Variants in RBFOX1 observed in about 807,000 individuals in gnomAD.
RBFOX1 encodes the protein RNA binding fox-1 homolog 1, also known as RNA binding protein fox-1 homolog 1.
RBFOX1 carries 8 observed loss-of-function variants against 57.7 expected under a neutral mutation model. The ratio of observed to expected loss-of-function variants is 0.14; its 90% CI spans 0.08 to 0.25. The LOEUF (loss-of-function observed/expected upper bound fraction) is 0.25, where lower values mean the gene tolerates loss of function less well. Among genes scored for constraint, RBFOX1 ranks in the 10% least tolerant of loss-of-function variants. The pLI is 1.00. For missense variants in RBFOX1, 611 were observed against 548.5 expected (o/e 1.11, Z -1.14); for synonymous variants, 326 against 222.4 (o/e 1.47, Z -4.15).
chr16:5,352,447 G>T (rs2065282951), intron 1 of RBFOX1, among the ~76,000 whole-genome samples: 1 of 152,150 alleles, frequency 6.6e-6, no homozygotes, highest in Non-Finnish European at 1.5e-5. Flanking sequence ...TTCACCGGTT[G>T]TCAAACATTT....
intron 2 of RBFOX1, among the ~76,000 whole-genome samples, chr16:6,486,950 T>A (rs1043737686): frequency 3.3e-5 from 5 of 152,108 alleles, no homozygotes; most frequent in Non-Finnish European, 7.4e-5. Flanking sequence ...AACCCCCTCT[T>A]CTTGCACGGC....
rs114820302 is a variant in RBFOX1, at chr16:7,224,260, G to A, written c.27+172162G>A. On this transcript the variant is annotated intron_variant, in intron 4 of 15. Coordinates refer to ENST00000550418, the MANE Select transcript of RBFOX1 (RefSeq NM_018723.4). ...TATAAAATGGCTTCTTTTAGTCATC[G>A]TACAAGCCAGCAGTTATGGACAGTG... Among the ~76,000 whole-genome samples the A allele has an allele frequency of 9.3e-3, 1,399 of 150,008 alleles. 7 individuals carry two copies. Among genetic ancestry groups the A allele is most frequent in the African/African-American group, 0.018 (727 of 40,854 alleles).
intron 1 of RBFOX1, among the ~76,000 whole-genome samples, chr16:6,106,846 G>A (rs1000771172): frequency 7.9e-5 from 12 of 151,690 alleles, no homozygotes; most frequent in Admixed American, 6.6e-4. Flanking sequence ...TTTTTTTTCG[G>A]ATTTCTAGTA....
chr16:6,120,919 A>C (rs2152632882), intron 1 of RBFOX1, among the ~76,000 whole-genome samples: 1 of 152,300 alleles, frequency 6.6e-6, no homozygotes, highest in Admixed American at 6.5e-5. Context: ...GAGGAGAACG[A>C]AGTCTGGGGC....
chr16:7,670,187 A>T (rs770345205), intron 13 of RBFOX1, among the ~76,000 whole-genome samples: 3 of 152,164 alleles, frequency 2.0e-5, no homozygotes, highest in Middle Eastern at 6.8e-3. Flanking sequence ...ATGCACCACG[A>T]CGCCTGGCTA....
rs114460093 is a variant in RBFOX1, at chr16:6,632,822, A to G, written c.-63-21781A>G. Among the ~76,000 whole-genome samples the G allele has an allele frequency of 6.8e-3, 1,036 of 152,288 alleles. 21 individuals carry two copies. The highest frequency in any genetic ancestry group is 0.023 in the African/African-American group (958 of 41,566). ...GGCTCTTCTTTTCATTATATTTGCT[A>G]TTACTGGAGCTGCTCTCTTTTCTTA... On this transcript the variant is annotated intron_variant, in intron 2 of 15. Transcript: ENST00000550418.
At chr16:6,942,921 G>A (rs543813300) in intron 3 of RBFOX1, among the ~76,000 whole-genome samples, 8 of 152,310 alleles carry the variant, frequency 5.3e-5, no homozygotes, top group African/African-American at 1.4e-4. Flanking sequence ...GGTACCGACA[G>A]GGCTCGCATT....
At chr16:7,029,234 ACGTATACG>A (rs2042122859) in intron 3 of RBFOX1, among the ~76,000 whole-genome samples, 2 of 71,326 alleles carry the variant, frequency 2.8e-5, no homozygotes, top group African/African-American at 1.5e-4. Context: ...ACATATATAT[ACGTATACG>A]TATATATATA....
At chr16:7,004,684 C>T (rs928070300) in intron 3 of RBFOX1, among the ~76,000 whole-genome samples, 1 of 152,116 alleles carries the variant, frequency 6.6e-6, no homozygotes, top group South Asian at 2.1e-4. Flanking sequence ...GGAAAATATA[C>T]AAAAGCCACA....
At chr16:6,939,059 C>A (rs1312216305) in intron 3 of RBFOX1, among the ~76,000 whole-genome samples, 1 of 152,166 alleles carries the variant, frequency 6.6e-6, no homozygotes, top group Non-Finnish European at 1.5e-5. Flanking sequence ...ATCAATGCTA[C>A]CATGGGGTTT....
intron 2 of RBFOX1, among the ~76,000 whole-genome samples, chr16:5,530,933 TAAAAAAAAAAAAAAAAAAAAAAAA>T (rs59311923): frequency 0.017 from 932 of 55,082 alleles, 23 homozygotes; most frequent in African/African-American, 0.054. Context: ...ACTAAAAATA[TAAAAAAAAAAAAAAAAAAAAAAAA>T]AAAAAAAAAA....
chr16:6,127,286 A>T (rs61456288), intron 1 of RBFOX1, among the ~76,000 whole-genome samples: 11,965 of 147,386 alleles, frequency 0.081, 836 homozygotes, highest in East Asian at 0.2. Flanking sequence ...TCTTTTTTTA[A>T]AAAAAAAAAA....
intron 4 of RBFOX1, among the ~76,000 whole-genome samples, chr16:7,079,605 G>C (rs2058845574): frequency 6.6e-6 from 1 of 152,142 alleles, no homozygotes; most frequent in Non-Finnish European, 1.5e-5. Context: ...ATGCCATATT[G>C]AATAAGTACC....
chr16:6,134,844 A>G (rs1243273910), intron 1 of RBFOX1, among the ~76,000 whole-genome samples: 2 of 150,794 alleles, frequency 1.3e-5, no homozygotes, highest in East Asian at 3.9e-4. Flanking sequence ...CAGGCAGGCC[A>G]TTTTTTTTTT....
intron 4 of RBFOX1, among the ~76,000 whole-genome samples, chr16:5,871,690 C>G (rs926650563): frequency 1.3e-5 from 2 of 152,014 alleles, no homozygotes; most frequent in East Asian, 1.9e-4. Context: ...TCTATGCTGA[C>G]AGCCAAACAA....
intron 2 of RBFOX1, among the ~76,000 whole-genome samples, chr16:6,581,946 T>G (rs886076691): frequency 6.6e-6 from 1 of 152,298 alleles, no homozygotes; most frequent in East Asian, 1.9e-4. Flanking sequence ...AACCGGGGCA[T>G]TTTTGCTTCC....
intron 4 of RBFOX1, among the ~76,000 whole-genome samples, chr16:6,006,524 A>G (rs2094928181): frequency 1.3e-5 from 2 of 152,230 alleles, no homozygotes; most frequent in African/African-American, 4.8e-5. Context: ...GAAAGAAAGA[A>G]GAGATGGAGA....
At chr16:6,012,820 C>T (rs1297611584) in intron 4 of RBFOX1, among the ~76,000 whole-genome samples, 1 of 152,108 alleles carries the variant, frequency 6.6e-6, no homozygotes, top group African/African-American at 2.4e-5. Context: ...AGGTCAAAAT[C>T]CCATGAGAAA....
intron 1 of RBFOX1, among the ~76,000 whole-genome samples, chr16:6,233,584 C>A (rs2097482378): frequency 6.6e-6 from 1 of 152,150 alleles, no homozygotes; most frequent in Non-Finnish European, 1.5e-5. Context: ...ACATTGTTCA[C>A]TAAGTCTCCA....
Sources: allele counts gnomAD v4.1 joint callset (sites outside exome capture counted in the v4.1 genomes callset), GRCh38; gene constraint gnomAD v4.1.1; transcripts MANE v1.5; gene names NCBI Gene and HGNC (gene_info 2026-07-23, HGNC 2026-07-21).